The following TESK2 variants were observed in gnomAD, a reference collection of about 807,000 sequenced individuals.
The protein encoded by TESK2 is dual specificity testis-specific protein kinase 2.
In TESK2, 39 loss-of-function variants were observed where a neutral mutation model predicts 57.1. The observed-to-expected ratio is 0.68, with a 90% CI of 0.53 to 0.89. The LOEUF is 0.89. Ranked by LOEUF, TESK2 falls within the 40% of genes least tolerant of loss-of-function variation. The probability of loss-of-function intolerance (pLI) is 0.00; values close to 1 mark genes in which losing one functional copy is unlikely to be tolerated. For synonymous variants in TESK2, 249 were observed against 267.9 expected, an observed-to-expected ratio of 0.93 and a Z score of 0.69; for missense variants, 646 against 732.1, an observed-to-expected ratio of 0.88 and a Z score of 1.36.
intron 1 of TESK2, among the ~76,000 whole-genome samples, chr1:45,465,178 A>G (rs1169740114): frequency 2.0e-5 from 3 of 151,796 alleles, no homozygotes; most frequent in Admixed American, 6.6e-5. Flanking sequence ...GAAGGTTGCA[A>G]TGAGCCAAGA....
chr1:45,481,016 A>T (rs953944202), intron 1 of TESK2, among the ~76,000 whole-genome samples: 4 of 151,468 alleles, frequency 2.6e-5, no homozygotes, highest in Non-Finnish European at 5.9e-5. Context: ...ATAACCAAAA[A>T]AAAAGAATGA....
chr1:45,450,243 G>A (rs1234271563), intron 2 of TESK2, among the ~76,000 whole-genome samples: 1 of 152,178 alleles, frequency 6.6e-6, no homozygotes, highest in Non-Finnish European at 1.5e-5. Context: ...TGGGCACAGT[G>A]GCTCACGCCT....
intron 2 of TESK2, among the ~76,000 whole-genome samples, chr1:45,433,688 A>G (rs766351832): frequency 1.2e-4 from 19 of 152,150 alleles, no homozygotes; most frequent in Admixed American, 4.6e-4. Context: ...TTATCCATCA[A>G]TGAATGCTTA....
At chr1:45,351,962 A>G (rs1647243389) in intron 5 of TESK2, among the ~76,000 whole-genome samples, 1 of 152,260 alleles carries the variant, frequency 6.6e-6, no homozygotes, top group Non-Finnish European at 1.5e-5. Context: ...GGAGTGTATA[A>G]TATTAAAATA....
intron 1 of TESK2, among the ~76,000 whole-genome samples, chr1:45,464,843 G>A (rs1012822519): frequency 2.6e-5 from 4 of 152,302 alleles, no homozygotes; most frequent in Non-Finnish European, 5.9e-5. Flanking sequence ...GCTAACTCCT[G>A]TCATCCTAGC....
At chr1:45,472,649 T>C (rs924426530) in intron 1 of TESK2, among the ~76,000 whole-genome samples, 2 of 151,582 alleles carry the variant, frequency 1.3e-5, no homozygotes, top group Non-Finnish European at 2.9e-5. Context: ...CCCTCCCATG[T>C]TTCTGGTTTG....
chr1:45,347,903 A>G lies in TESK2; in HGVS notation c.623+15T>C, dbSNP rs762251328. Reference sequence around the variant, plus strand: ...CCCTGTCCCTTGGACCCCAGCATCCAGTAGGGCTACACACCTGACATCGGG... The same window carrying G: ...CCCTGTCCCTTGGACCCCAGCATCCGGTAGGGCTACACACCTGACATCGGG... On this transcript the variant is annotated intron_variant, in intron 6 of 10. Coordinates refer to ENST00000372086, the MANE Select transcript of TESK2 (RefSeq NM_007170.3). 2.5e-6 allele frequency: 4 copies of G among 1,603,658 alleles called. No homozygotes were observed. In the Admixed American group the frequency reaches 6.7e-5, roughly 27 times the overall value.
At chr1:45,354,221 C>T (rs536360453) in intron 5 of TESK2, among the ~76,000 whole-genome samples, 2 of 152,320 alleles carry the variant, frequency 1.3e-5, no homozygotes, top group Admixed American at 6.5e-5. Flanking sequence ...TGGCTGGGCA[C>T]AGTGCATGCC....
chr1:45,439,744 C>T (rs985476435), intron 2 of TESK2, among the ~76,000 whole-genome samples: 8 of 152,000 alleles, frequency 5.3e-5, no homozygotes, highest in Admixed American at 6.6e-5. Context: ...TGCTTGAGCC[C>T]GGGAGTTCAA....
intron 1 of TESK2, among the ~76,000 whole-genome samples, chr1:45,468,900 C>A (rs1652657936): frequency 6.6e-6 from 1 of 152,126 alleles, no homozygotes; most frequent in Non-Finnish European, 1.5e-5. Context: ...GAAGCTTAAT[C>A]ATTTTTGTTC....
chr1:45,429,589 T>C (rs1020519903), intron 2 of TESK2, among the ~76,000 whole-genome samples: 1 of 152,060 alleles, frequency 6.6e-6, no homozygotes, highest in Non-Finnish European at 1.5e-5. Context: ...ACAGGAGGCA[T>C]AACAGTTTTG....
chr1:45,387,934 G>A (rs1648969470), intron 3 of TESK2, among the ~76,000 whole-genome samples: 1 of 152,174 alleles, frequency 6.6e-6, no homozygotes, highest in South Asian at 2.1e-4. Flanking sequence ...TTGAACCCGG[G>A]AGGCGGAGGC....
chr1:45,440,774 G>T (rs1312864763), intron 2 of TESK2, among the ~76,000 whole-genome samples: 1 of 151,968 alleles, frequency 6.6e-6, no homozygotes, highest in African/African-American at 2.4e-5. Flanking sequence ...ACCACTGCAG[G>T]TGACAGAGTG....
intron 3 of TESK2, among the ~76,000 whole-genome samples, chr1:45,406,613 C>G (rs1049327001): frequency 6.6e-6 from 1 of 151,708 alleles, no homozygotes; most frequent in Non-Finnish European, 1.5e-5. Context: ...CATGATCACA[C>G]CCACTGCACT....
chr1:45,391,216 C>CTTTT (rs1191605172), intron 3 of TESK2, among the ~76,000 whole-genome samples: 9 of 118,746 alleles, frequency 7.6e-5, no homozygotes, highest in Non-Finnish European at 1.7e-5. Flanking sequence ...GCGCCCAGCC[C>CTTTT]TTTTTTTTTT....
In TESK2 at chr1:45,457,564, C is replaced by G. The variant is rs774585810; in HGVS notation, c.222G>C (p.Lys74Asn). 1.9e-6 allele frequency: 3 copies of G among 1,613,572 alleles called. No individual in the cohort carries two copies. The East Asian group carries it at 6.7e-5, about 36-fold the overall frequency. The change falls in exon 2 of 11, where the codon AAG (lysine) becomes AAC (asparagine). Residue 74 changes from lysine to asparagine, a missense_variant and splice_region_variant. Transcript: ENST00000372086. ...IGSGFFSEVF[K>N]VRHRASGQVM... ...TGAGAAAAGCTGAAGACTCACTCAC[C>G]TTGAACACTTCAGAAAAGAAGCCAG... is the stretch of plus-strand genomic sequence containing the variant.
Position 45,451,128 on chromosome 1 carries a change from C to T in TESK2, c.222+6436G>A, listed in dbSNP as rs190035708. 3.6e-4 allele frequency among the ~76,000 whole-genome samples: 55 copies of T among 152,332 alleles called. 1 individual carries two copies. Among genetic ancestry groups the T allele is most frequent in the African/African-American group, 1.3e-3 (52 of 41,568 alleles). On this transcript the variant is annotated intron_variant, in intron 2 of 10. Coordinates refer to ENST00000372086, the MANE Select transcript of TESK2 (RefSeq NM_007170.3). ...ATGGTGCCTCATCAGCATGGACAAA[C>T]ACTGCCTTACAGCTGGACTTTAGTG...
At position 45,388,029 on chromosome 1, in the gene TESK2, T is replaced by C. The variant is rs12059583; in HGVS notation, c.345-2069A>G. ...CCTCAAAAATAAATAAATTGATTAA[T>C]TAATTAATAATAAAAATAAAATAAG... On this transcript the variant is annotated intron_variant, in intron 3 of 10. Transcript: ENST00000372086. 1.0e-3 allele frequency among the ~76,000 whole-genome samples: 157 copies of C among 152,214 alleles called. 1 individual carries two copies. Among genetic ancestry groups the C allele is most frequent in the African/African-American group, 3.7e-3 (152 of 41,540 alleles).
chr1:45,415,077 C>T, intron 3 of TESK2: 2 of 1,373,222 alleles, frequency 1.5e-6, no homozygotes, highest in East Asian at 2.4e-5. Flanking sequence ...GCCCTTGGGC[C>T]ACGTCTCCTT....
Sources: allele counts gnomAD v4.1 joint callset (sites outside exome capture counted in the v4.1 genomes callset), GRCh38; gene constraint gnomAD v4.1.1; transcripts MANE v1.5; gene names NCBI Gene and HGNC (gene_info 2026-07-23, HGNC 2026-07-21).